Variants in RFC5 observed in about 807,000 individuals in gnomAD.
The protein encoded by RFC5 is replication factor C subunit 5, also known as A1 36 kDa subunit.
In RFC5, 26 loss-of-function variants were observed where a neutral mutation model predicts 44.3. That is an observed-to-expected ratio of 0.59 (90% CI 0.43 to 0.81). RFC5 has a LOEUF of 0.81. Among genes scored for constraint, RFC5 ranks in the 40% least tolerant of loss-of-function variants. The pLI, the probability that RFC5 is intolerant of heterozygous loss-of-function variation, is 0.00. For synonymous variants in RFC5, 155 were observed against 155.2 expected (o/e 1.00, Z 0.01); for missense variants, 328 against 418.6 (o/e 0.78, Z 1.89).
At chr12:118,034,141 T>A (rs1224574340), downstream of RFC5, 1 of 1,602,576 alleles carries the variant, frequency 6.2e-7, no homozygotes, top group Non-Finnish European at 8.5e-7. Context: ...TTCCAGCAAC[T>A]CCCTTTGACA....
At chr12:118,040,368 C>CTT in the RFC5 span, among the ~76,000 whole-genome samples, 1 of 152,140 alleles carries the variant, frequency 6.6e-6, no homozygotes, top group Non-Finnish European at 1.5e-5. Flanking sequence ...CTCACTTGGT[C>CTT]TTTCCTTCCA....
downstream of RFC5, chr12:118,033,310 A>G (rs1192366775): frequency 2.6e-5 from 4 of 152,732 alleles, no homozygotes; most frequent in East Asian, 1.9e-4. Context: ...GACTACACCA[A>G]TTCTTTACAC....
At chr12:118,021,444 C>T (rs2030483526) in intron 4 of RFC5, among the ~76,000 whole-genome samples, 1 of 151,990 alleles carries the variant, frequency 6.6e-6, no homozygotes, top group African/African-American at 2.4e-5. Flanking sequence ...AACTCCTGAG[C>T]TCAAGCAATC....
downstream of RFC5, chr12:118,036,583 T>A (rs2031516762): frequency 6.8e-7 from 1 of 1,471,732 alleles, no homozygotes; most frequent in African/African-American, 1.4e-5. Flanking sequence ...GAGGGAAAGG[T>A]ACCACCACCA....
intron 1 of RFC5, chr12:118,017,691 G>A (rs2030186581): frequency 1.2e-6 from 1 of 818,306 alleles, no homozygotes; most frequent in Non-Finnish European, 1.7e-6. Context: ...TTTTTTTAGA[G>A]ACAGGGTCTC....
the RFC5 span, chr12:118,038,474 C>T: frequency 1.6e-6 from 2 of 1,278,056 alleles, no homozygotes; most frequent in Non-Finnish European, 2.2e-6. Context: ...GGTAACAGCC[C>T]CCAGCCCAGT....
chr12:118,036,176 T>C (rs541401813), downstream of RFC5: 34 of 858,958 alleles, frequency 4.0e-5, no homozygotes, highest in South Asian at 5.5e-4. Flanking sequence ...CACTCCAGCC[T>C]GGGTGACAGA....
At chr12:118,033,870 C>T, downstream of RFC5, 1 of 307,332 alleles carries the variant, frequency 3.3e-6, no homozygotes, top group Non-Finnish European at 6.3e-6. Context: ...TACTTAGTTG[C>T]ATAATCAAAA....
downstream of RFC5, chr12:118,036,100 G>A (rs557113251): frequency 1.0e-4 from 37 of 359,656 alleles, no homozygotes; most frequent in Admixed American, 9.2e-4. Flanking sequence ...TACTCGGGAG[G>A]CTCAGGCAGC....
chr12:118,036,454 T>C (rs768574799), downstream of RFC5: 2 of 1,614,086 alleles, frequency 1.2e-6, no homozygotes, highest in South Asian at 1.1e-5. Context: ...CAACACTGCT[T>C]TGATGGCCCT....
chr12:118,026,318 G>A (rs2030936810), intron 7 of RFC5, among the ~76,000 whole-genome samples: 1 of 152,094 alleles, frequency 6.6e-6, no homozygotes, highest in Non-Finnish European at 1.5e-5. Flanking sequence ...ATCACTTGTT[G>A]CAGGCCAGGT....
At chr12:118,024,108 A>G (rs919996100) in intron 5 of RFC5, among the ~76,000 whole-genome samples, 14 of 152,022 alleles carry the variant, frequency 9.2e-5, no homozygotes, top group Admixed American at 4.6e-4. Flanking sequence ...CCCAAAGGCC[A>G]AGGCGGGCGA....
the RFC5 span, chr12:118,038,159 C>G: frequency 1.3e-6 from 1 of 768,752 alleles, no homozygotes. Context: ...CAGGTGGTGG[C>G]CATGGCCCAC....
Position 118,019,146 on chromosome 12 carries a change from C to G in RFC5, c.130+10C>G, listed in dbSNP as rs1205029428. The G allele has an allele frequency of 5.6e-6, 9 of 1,601,382 alleles. No individual in the cohort carries two copies. Among genetic ancestry groups the G allele is most frequent in the African/African-American group, 1.3e-5 (1 of 74,662 alleles). Reference sequence around the variant, plus strand: ...GACATTCTGAGTACCAGTAAGTATTCATGTGTCAGTTGCTCTTGTCCTGCT... The same window carrying G: ...GACATTCTGAGTACCAGTAAGTATTGATGTGTCAGTTGCTCTTGTCCTGCT... On this transcript the variant is annotated intron_variant, in intron 2 of 10. Transcript: ENST00000454402. This position sits in a 1 kb window ranked among gnomAD's most constrained non-coding sequence, Gnocchi z 4.2.
At chr12:118,037,561 G>A (rs377603158), downstream of RFC5, among the ~76,000 whole-genome samples, 16 of 151,934 alleles carry the variant, frequency 1.1e-4, no homozygotes, top group African/African-American at 2.7e-4. Flanking sequence ...CCAGCTACTC[G>A]GGAGGCTGAG....
chr12:118,029,272 GC>G (rs5745878), intron 9 of RFC5, among the ~76,000 whole-genome samples: 17,557 of 152,144 alleles, frequency 0.12, 1,267 homozygotes, highest in Non-Finnish European at 0.15. Context: ...GTACAAAACA[GC>G]CAGGCAAGGT....
chr12:118,027,683 A>AAAAGAAAG (rs5801263), intron 8 of RFC5, among the ~76,000 whole-genome samples: 2 of 149,176 alleles, frequency 1.3e-5, no homozygotes, highest in Admixed American at 1.3e-4. Flanking sequence ...AAAAAAAAAA[A>AAAAGAAAG]AAAGAAAGAA....
At chr12:118,035,557 T>G (rs1009196896), downstream of RFC5, 2 of 496,808 alleles carry the variant, frequency 4.0e-6, no homozygotes, top group Non-Finnish European at 7.2e-6. Context: ...GCTAATTTGC[T>G]TATGCAAAGT....
At chr12:118,027,707 G>A (rs946313263) in intron 8 of RFC5, among the ~76,000 whole-genome samples, 2 of 150,180 alleles carry the variant, frequency 1.3e-5, no homozygotes, top group Non-Finnish European at 3.0e-5. Flanking sequence ...AAAAGAAAAC[G>A]CAGTTGGCTT....
Sources: allele counts gnomAD v4.1 joint callset (sites outside exome capture counted in the v4.1 genomes callset), GRCh38; gene constraint gnomAD v4.1.1; non-coding constraint Gnocchi (gnomAD v3.1); transcripts MANE v1.5; gene names NCBI Gene and HGNC (gene_info 2026-07-23, HGNC 2026-07-21).